The following ELAPOR2 variants were observed in gnomAD, a reference collection of about 807,000 sequenced individuals.
The protein encoded by ELAPOR2 is endosome/lysosome-associated apoptosis and autophagy regulator family member 2.
In ELAPOR2, 89 loss-of-function variants were observed where a neutral mutation model predicts 120.7. That is an observed-to-expected ratio of 0.74 (90% CI 0.62 to 0.88). The LOEUF (loss-of-function observed/expected upper bound fraction) is 0.88, where lower values mean the gene tolerates loss of function less well. Ranked by LOEUF, ELAPOR2 falls within the 40% of genes least tolerant of loss-of-function variation. The probability of loss-of-function intolerance (pLI) is 0.00; values close to 1 mark genes in which losing one functional copy is unlikely to be tolerated. For missense variants in ELAPOR2, 1,134 were observed against 1,251.6 expected (o/e 0.91, Z 1.42); for synonymous variants, 444 against 444.9 (o/e 1.00, Z 0.03).
chr7:86,909,940 G>T lies in ELAPOR2; in HGVS notation c.2231C>A (p.Ala744Glu). 1.9e-6 allele frequency: 3 copies of T among 1,613,046 alleles called. No individual in the cohort carries two copies. Among genetic ancestry groups the T allele is most frequent in the South Asian group, 1.1e-5 (1 of 90,996 alleles). ...ITDFTVKEIVAGSDDYTNLVG... is the reference protein window; with the variant it reads ...ITDFTVKEIVEGSDDYTNLVG... ...CAAATTTGTGTAATCATCTGACCCT[G>T]CCACTATTTCTTTTACTGTAAAGTC... is the stretch of plus-strand genomic sequence containing the variant. Residue 744 changes from alanine (A) to glutamate (E), a missense_variant, in exon 16 of 22, where the codon GCA (alanine) becomes GAA (glutamate). Coordinates refer to ENST00000450689, the MANE Select transcript of ELAPOR2 (RefSeq NM_001142749.3).
At chr7:86,905,206 A>AG (rs1788951886) in intron 18 of ELAPOR2, among the ~76,000 whole-genome samples, 2 of 146,700 alleles carry the variant, frequency 1.4e-5, no homozygotes, top group African/African-American at 2.5e-5. Context: ...GAGAGAGAGA[A>AG]AGAGAGAGAG....
chr7:86,887,756 C>T (rs960390559), intron 21 of ELAPOR2, among the ~76,000 whole-genome samples: 3 of 151,984 alleles, frequency 2.0e-5, no homozygotes, highest in African/African-American at 7.2e-5. Context: ...CTATCTCCCT[C>T]ACCTCCTCCT....
intron 3 of ELAPOR2, among the ~76,000 whole-genome samples, chr7:86,945,287 C>T (rs759987766): frequency 3.3e-5 from 5 of 152,176 alleles, no homozygotes; most frequent in Non-Finnish European, 7.4e-5. Flanking sequence ...TGTTATTTTT[C>T]ACCCAAAATT....
In ELAPOR2 at chr7:86,907,715, C is replaced by A; in HGVS notation, c.2513G>T (p.Arg838Met). The A allele has an allele frequency of 2.5e-6, 4 of 1,581,014 alleles. No homozygotes were observed. The highest frequency in any genetic ancestry group is 1.9e-5 in the Admixed American group (1 of 51,450). The change falls in exon 18 of 22, where the codon AGG becomes ATG. Residue 838 changes from arginine (R) to methionine (M), a missense_variant. Arg to Met is a moderately conservative substitution (Grantham distance 91). Around this residue, in one of 3 missense-constraint regions of ELAPOR2, gnomAD observed 831 missense variants for 867.6 expected, o/e 0.96. Transcript: ENST00000450689. Reference sequence around the variant, plus strand: ...TGCTCCAGATTTAGTAGGATTACACCTCATTTTCACAGCAGTTGATCGGCC... The same window carrying A: ...TGCTCCAGATTTAGTAGGATTACACATCATTTTCACAGCAGTTGATCGGCC... Reference protein sequence around the residue: ...INGRSTAVKMRCNPTKSGAGV... With the variant: ...INGRSTAVKMMCNPTKSGAGV...
At chr7:86,964,186 C>T (rs1421471591) in intron 2 of ELAPOR2, among the ~76,000 whole-genome samples, 1 of 152,140 alleles carries the variant, frequency 6.6e-6, no homozygotes, top group African/African-American at 2.4e-5. Flanking sequence ...CTTTTATTTC[C>T]AGCTTCAAAC....
chr7:86,981,011 G>A (rs1490004992), intron 1 of ELAPOR2, among the ~76,000 whole-genome samples: 2 of 152,130 alleles, frequency 1.3e-5, no homozygotes, highest in Non-Finnish European at 2.9e-5. Context: ...GATTCTGGGT[G>A]TTCATCTGAT....
intron 2 of ELAPOR2, among the ~76,000 whole-genome samples, chr7:86,949,210 G>A (rs1044403833): frequency 6.6e-6 from 1 of 152,152 alleles, no homozygotes; most frequent in African/African-American, 2.4e-5. Context: ...TGGCATGCTG[G>A]CTACATAGTC....
intron 5 of ELAPOR2, chr7:86,941,504 C>T (rs908737218): frequency 4.9e-6 from 2 of 411,088 alleles, no homozygotes; most frequent in African/African-American, 4.1e-5. Flanking sequence ...TTGTGATAAA[C>T]AGAGCTGTCC....
chr7:86,899,230 G>A (rs1408648763), intron 18 of ELAPOR2, among the ~76,000 whole-genome samples: 1 of 152,118 alleles, frequency 6.6e-6, no homozygotes, highest in African/African-American at 2.4e-5. Context: ...AAAATTAATG[G>A]CTGCTATGGT....
chr7:86,901,024 A>C (rs1229510780), intron 18 of ELAPOR2, among the ~76,000 whole-genome samples: 3 of 152,200 alleles, frequency 2.0e-5, no homozygotes, highest in African/African-American at 7.2e-5. Flanking sequence ...ATCACAAATC[A>C]TGCTTCTTTT....
intron 17 of ELAPOR2, 121 bp from the exon 18 acceptor site, chr7:86,907,892 T>G: frequency 2.0e-6 from 1 of 490,334 alleles, no homozygotes; most frequent in Non-Finnish European, 3.5e-6. Flanking sequence ...GTATTAAAGT[T>G]CACTAATTTG....
intron 18 of ELAPOR2, among the ~76,000 whole-genome samples, chr7:86,903,041 G>A (rs1788793105): frequency 6.6e-6 from 1 of 152,054 alleles, no homozygotes; most frequent in East Asian, 1.9e-4. Context: ...ACTCTATCCT[G>A]AGTTAACTAC....
intron 2 of ELAPOR2, among the ~76,000 whole-genome samples, chr7:86,952,473 G>A (rs1033181186): frequency 3.3e-5 from 5 of 152,132 alleles, no homozygotes; most frequent in African/African-American, 1.2e-4. Flanking sequence ...TACAAAAAGG[G>A]CAAACAATTC....
chr7:86,938,522 C>A (rs548569116), intron 7 of ELAPOR2, among the ~76,000 whole-genome samples: 1 of 152,110 alleles, frequency 6.6e-6, no homozygotes, highest in East Asian at 1.9e-4. Context: ...CGTCTCTACA[C>A]CAACAAATCA....
chr7:87,037,610 C>A (rs1002793478), intron 1 of ELAPOR2, among the ~76,000 whole-genome samples: 2 of 152,162 alleles, frequency 1.3e-5, no homozygotes, highest in South Asian at 4.2e-4. Flanking sequence ...GATCTTCCTG[C>A]GTCCAATGTG....
intron 1 of ELAPOR2, among the ~76,000 whole-genome samples, chr7:87,008,094 C>A (rs560101849): frequency 6.6e-5 from 10 of 152,134 alleles, no homozygotes; most frequent in South Asian, 2.1e-4. Context: ...TCCTGTCATA[C>A]TCAACCAAAT....
At position 86,944,764 on chromosome 7, in the gene ELAPOR2, C is replaced by T. The variant is rs1253305370; in HGVS notation, c.654+135G>A. ...AAAAGAGATTAAAGTTTTCTTTTAA[C>T]ATCAAAAGGTTCAGTTAACACACAC... On this transcript the variant is annotated intron_variant, in intron 4 of 21. Coordinates refer to ENST00000450689, the MANE Select transcript of ELAPOR2 (RefSeq NM_001142749.3). 4.9e-6 allele frequency: 3 copies of T among 607,312 alleles called. No homozygotes were observed. In the East Asian group the frequency reaches 9.3e-5, roughly 19 times the overall value. The allele number at this position is 607,312 out of a possible 1,614,324, so 37.6% of individuals were successfully genotyped here. A position where few individuals can be genotyped will look rare whatever the true frequency, so the allele number is the denominator to read the frequency against.
At chr7:86,976,949 G>A (rs1792302641) in intron 1 of ELAPOR2, among the ~76,000 whole-genome samples, 2 of 152,186 alleles carry the variant, frequency 1.3e-5, no homozygotes, top group African/African-American at 2.4e-5. Flanking sequence ...CCTCAGAACT[G>A]CCCTGCATAA....
chr7:87,047,627 T>A (rs1794991643), intron 1 of ELAPOR2, among the ~76,000 whole-genome samples: 1 of 152,080 alleles, frequency 6.6e-6, no homozygotes, highest in South Asian at 2.1e-4. Flanking sequence ...AACTACAATA[T>A]CATCTCACCC....
Sources: gnomAD v4.1 joint callset for allele counts (sites outside exome capture counted in the v4.1 genomes callset) on GRCh38, gnomAD v4.1.1 for gene constraint, gnomAD v4.1.1 regional missense constraint, MANE v1.5 for transcripts, NCBI Gene and HGNC (gene_info 2026-07-23, HGNC 2026-07-21) for gene names.